The following GON4L variants were observed in gnomAD, a reference collection of about 807,000 sequenced individuals.
GON4L encodes the protein GON-4-like protein.
In GON4L, 87 loss-of-function variants were observed where a neutral mutation model predicts 211.8. The ratio of observed to expected loss-of-function variants is 0.41; its 90% CI spans 0.35 to 0.49. The LOEUF (loss-of-function observed/expected upper bound fraction) is 0.49. Ranked by LOEUF, GON4L falls within the 20% of genes least tolerant of loss-of-function variation. GON4L has a pLI of 0.15. For missense variants in GON4L, 2,155 were observed against 2,659.5 expected (o/e 0.81, Z 4.17); for synonymous variants, 875 against 962.6 (o/e 0.91, Z 1.68).
At chr1:155,767,311 C>T (rs1360598931) in intron 20 of GON4L, 114 bp downstream of exon 20, 2 of 1,605,390 alleles carry the variant, frequency 1.2e-6, no homozygotes, top group Non-Finnish European at 1.7e-6. Context: ...AGGAAGATTT[C>T]TAAAGTCCTA....
chr1:155,756,041 T>G lies in GON4L; in HGVS notation c.5517+917A>C, dbSNP rs759282875. Among the ~76,000 whole-genome samples the G allele has an allele frequency of 3.9e-4, 59 of 151,866 alleles. 2 individuals are homozygous for G. The highest frequency in any genetic ancestry group is 1.9e-4 in the Non-Finnish European group (13 of 67,976). On this transcript the variant is annotated intron_variant, in intron 27 of 31. Coordinates refer to ENST00000368331, the MANE Select transcript of GON4L (RefSeq NM_001282860.2). ...CAACCAGTAGACTCCACAGATGGCT[T>G]ACCTGAGGAGTTCATATCCTAGCAC...
downstream of GON4L, chr1:155,745,795 G>T (rs1227680843): frequency 1.1e-5 from 7 of 616,760 alleles, no homozygotes; most frequent in Non-Finnish European, 2.0e-5. Flanking sequence ...GAGCGGCGCG[G>T]CTGAGGCGCG....
intron 21 of GON4L, 83 bp from the exon 22 acceptor site, chr1:155,763,647 C>T: frequency 4.0e-6 from 5 of 1,259,172 alleles, no homozygotes; most frequent in Non-Finnish European, 4.3e-6. Flanking sequence ...TCAGGATAAT[C>T]TGAAGTTAAA....
At chr1:155,748,882 T>C (rs2101581370), downstream of GON4L, 1 of 1,172,242 alleles carries the variant, frequency 8.5e-7, no homozygotes, top group Non-Finnish European at 1.2e-6. Flanking sequence ...TGTTGTTCCC[T>C]CCCCACCCCT....
intron 24 of GON4L, among the ~76,000 whole-genome samples, chr1:155,758,482 T>A (rs72706141): frequency 0.076 from 11,605 of 152,104 alleles, 590 homozygotes; most frequent in Non-Finnish European, 0.12. Flanking sequence ...CAAAAAAATT[T>A]AAAAATTAGG....
chr1:155,827,391 C>T (rs1391327716), intron 2 of GON4L, among the ~76,000 whole-genome samples: 1 of 152,064 alleles, frequency 6.6e-6, no homozygotes, highest in Admixed American at 6.6e-5. Context: ...CTTTGTAAAT[C>T]AATTTGGCAG....
intron 15 of GON4L, 138 bp downstream of exon 15, chr1:155,777,484 C>T (rs972659660): frequency 6.8e-6 from 5 of 732,482 alleles, no homozygotes; most frequent in Middle Eastern, 3.8e-4. Flanking sequence ...GAGGCTGAGG[C>T]AGGAGAAATG....
At chr1:155,845,466 AC>A in intron 2 of GON4L, 1 of 351,166 alleles carries the variant, frequency 2.8e-6, no homozygotes, top group Non-Finnish European at 5.7e-6. Flanking sequence ...AAGGTTGGAA[AC>A]CAGAAATGCA....
intron 15 of GON4L, among the ~76,000 whole-genome samples, chr1:155,776,697 C>A (rs1246960842): frequency 1.3e-5 from 2 of 151,970 alleles, no homozygotes; most frequent in East Asian, 3.9e-4. Flanking sequence ...ACCACAGATG[C>A]ATGGCACCAT....
Position 155,771,269 on chromosome 1 carries a change from G to C in GON4L, c.2496-52C>G, listed in dbSNP as rs148218730. On this transcript the variant is annotated intron_variant, in intron 18 of 31. Transcript: ENST00000368331. The stretch of plus-strand genomic sequence containing the variant: ...TCACTTCACAGTCCTTCCTTCTAAA[G>C]GGTCTCCCCAGACTAACACATTTTA... 1.4e-4 allele frequency: 219 copies of C among 1,609,646 alleles called. 1 individual carries two copies. In the East Asian group the frequency reaches 4.7e-3, roughly 35 times the overall value.
chr1:155,746,206 C>CTATCTTCAAGACCCTCCCA, downstream of GON4L: 1 of 1,401,950 alleles, frequency 7.1e-7, no homozygotes, highest in Non-Finnish European at 9.8e-7. Flanking sequence ...CCTTGCGCTG[C>CTATCTTCAAGACCCTCCCA]CGTTATCTTC....
At chr1:155,749,238 G>A (rs1290569588), downstream of GON4L, 33 of 1,534,916 alleles carry the variant, frequency 2.1e-5, no homozygotes, top group Non-Finnish European at 2.8e-5. Context: ...GGCAACAAGA[G>A]CAAAACTCTG....
intron 2 of GON4L, among the ~76,000 whole-genome samples, chr1:155,850,635 T>A (rs1490699465): frequency 6.6e-6 from 1 of 152,096 alleles, no homozygotes; most frequent in African/African-American, 2.4e-5. Context: ...AAACATGAAA[T>A]TCTTCAATAT....
chr1:155,796,993 T>C (rs1017794774), intron 11 of GON4L, among the ~76,000 whole-genome samples: 21 of 152,194 alleles, frequency 1.4e-4, no homozygotes, highest in Non-Finnish European at 2.1e-4. Flanking sequence ...ATGATTCTTT[T>C]TGTGGAAAAA....
chr1:155,752,983 G>A (rs1660770933), intron 29 of GON4L, among the ~76,000 whole-genome samples: 3 of 152,304 alleles, frequency 2.0e-5, no homozygotes, highest in Admixed American at 2.0e-4. Context: ...AGACAATGTT[G>A]AATTGCATGA....
chr1:155,745,948 T>G (rs1660241944), downstream of GON4L: 13 of 758,530 alleles, frequency 1.7e-5, no homozygotes, highest in Non-Finnish European at 2.5e-5. Context: ...GAGGAGCCCT[T>G]CGGGATCTAC....
At chr1:155,754,308 C>T in intron 28 of GON4L, 67 bp downstream of exon 28, 1 of 945,724 alleles carries the variant, frequency 1.1e-6, no homozygotes, top group Middle Eastern at 2.1e-4. Context: ...CAGTAAGGTA[C>T]AATTCTTGGT....
intron 29 of GON4L, 100 bp downstream of exon 29, chr1:155,753,104 T>C (rs1296681754): frequency 2.1e-5 from 18 of 867,464 alleles, no homozygotes; most frequent in Non-Finnish European, 3.4e-5. Flanking sequence ...GGTATATCCA[T>C]CCCTGAAAAG....
intron 12 of GON4L, among the ~76,000 whole-genome samples, chr1:155,788,234 C>T (rs755472939): frequency 6.6e-6 from 1 of 151,182 alleles, no homozygotes; most frequent in African/African-American, 2.4e-5. Flanking sequence ...CTCAAGTGAT[C>T]TGCCTGCCTC....
Sources: allele counts gnomAD v4.1 joint callset (sites outside exome capture counted in the v4.1 genomes callset), GRCh38; gene constraint gnomAD v4.1.1; transcripts MANE v1.5; gene names NCBI Gene and HGNC (gene_info 2026-07-23, HGNC 2026-07-21).